The following ZFHX3 variants were observed in gnomAD, a reference collection of about 807,000 sequenced individuals.
ZFHX3 encodes zinc finger homeobox protein 3.
A neutral mutation model predicts 279.1 loss-of-function variants in ZFHX3; 42 were observed. The ratio of observed to expected loss-of-function variants is 0.15; its 90% CI spans 0.12 to 0.19. The LOEUF is 0.19. Ranked by LOEUF, ZFHX3 falls within the 10% of genes least tolerant of loss-of-function variation. ZFHX3 has a pLI of 1.00. For synonymous variants in ZFHX3, 2,293 were observed against 1,957.8 expected (o/e 1.17, Z -4.52); for missense variants, 4,981 against 4,754.0 (o/e 1.05, Z -1.40).
At chr16:73,376,355 T>C (rs7186409) in intron 3 of ZFHX3, among the ~76,000 whole-genome samples, 40,965 of 152,160 alleles carry the variant, frequency 0.27, 5,747 homozygotes, top group Middle Eastern at 0.35. Flanking sequence ...TAGAAAATGC[T>C]TGCAAAATTC....
rs1215790905 is a variant in ZFHX3 at position 73,637,230 on chromosome 16, CT to C, written c.-1547+42949del. On this transcript the variant is annotated intron_variant, in intron 2 of 17. Transcript: ENST00000641206. ...GTTAAAACCATATTTTTTTTTTGTT[CT>C]TTTTTTTTTTTTTTTTTTGAGACAG... Among the ~76,000 whole-genome samples the C allele has an allele frequency of 5.1e-3, 616 of 121,666 alleles. 1 individual carries two copies. Among genetic ancestry groups the C allele is most frequent in the East Asian group, 0.013 (54 of 4,250 alleles). 79.8% of individuals were successfully genotyped at this position (121,666 alleles called of 152,430 possible).
intron 3 of ZFHX3, among the ~76,000 whole-genome samples, chr16:72,933,823 T>TTC (rs200057576): frequency 0.039 from 5,509 of 141,956 alleles, 282 homozygotes; most frequent in African/African-American, 0.1. Flanking sequence ...CTTTTTTTTT[T>TTC]TTTTTTTTTT....
chr16:73,749,755 A>G (rs1274359697), intron 1 of ZFHX3, among the ~76,000 whole-genome samples: 2 of 152,186 alleles, frequency 1.3e-5, no homozygotes, highest in Non-Finnish European at 2.9e-5. Flanking sequence ...GCAGTGGATA[A>G]ATGCAAAATG....
At chr16:73,885,797 T>A (rs1188785434) in intron 1 of ZFHX3, among the ~76,000 whole-genome samples, 2 of 152,206 alleles carry the variant, frequency 1.3e-5, no homozygotes, top group Non-Finnish European at 2.9e-5. Context: ...ATGAGCCATC[T>A]GTAATTTCCC....
intron 1 of ZFHX3, among the ~76,000 whole-genome samples, chr16:73,712,899 C>T (rs543735572): frequency 2.0e-5 from 3 of 152,330 alleles, no homozygotes; most frequent in East Asian, 1.9e-4. Context: ...AGGCCATTTG[C>T]GCTAGCTTGA....
intron 7 of ZFHX3, among the ~76,000 whole-genome samples, chr16:73,118,837 G>A (rs1966462493): frequency 6.6e-6 from 1 of 152,016 alleles, no homozygotes; most frequent in African/African-American, 2.4e-5. Context: ...ACATTTTTTG[G>A]TTGCTACCCA....
chr16:73,209,753 C>T (rs1194687680), intron 5 of ZFHX3, among the ~76,000 whole-genome samples: 11 of 152,162 alleles, frequency 7.2e-5, no homozygotes, highest in Non-Finnish European at 4.4e-5. Flanking sequence ...CAATATTATA[C>T]ATCATGTAGC....
chr16:73,226,706 A>G (rs1192124545), intron 5 of ZFHX3, among the ~76,000 whole-genome samples: 3 of 152,250 alleles, frequency 2.0e-5, no homozygotes, highest in Non-Finnish European at 2.9e-5. Context: ...ATTCTTCCAA[A>G]TTGATGGTAC....
chr16:73,698,875 T>C (rs920333255), intron 1 of ZFHX3, among the ~76,000 whole-genome samples: 3 of 149,588 alleles, frequency 2.0e-5, no homozygotes, highest in Non-Finnish European at 3.0e-5. Flanking sequence ...TTTGTTTGTT[T>C]GTTTGTTTGT....
intron 3 of ZFHX3, among the ~76,000 whole-genome samples, chr16:73,452,404 T>A (rs897838960): frequency 4.1e-4 from 62 of 152,316 alleles, no homozygotes; most frequent in African/African-American, 1.3e-3. Context: ...TTTAATTTTT[T>A]AATCACATTA....
chr16:73,191,434 T>C (rs1410133771), intron 5 of ZFHX3, among the ~76,000 whole-genome samples: 1 of 152,164 alleles, frequency 6.6e-6, no homozygotes, highest in East Asian at 1.9e-4. Context: ...TTAATTTTTA[T>C]CCTGCCATCC....
At chr16:73,188,063 C>A (rs1186800656) in intron 5 of ZFHX3, among the ~76,000 whole-genome samples, 6 of 152,120 alleles carry the variant, frequency 3.9e-5, no homozygotes, top group Non-Finnish European at 8.8e-5. Flanking sequence ...GGGTTTCACT[C>A]TGTTAGCCAG....
At chr16:73,007,034 T>C (rs1363003262) in intron 1 of ZFHX3, among the ~76,000 whole-genome samples, 1 of 152,234 alleles carries the variant, frequency 6.6e-6, no homozygotes, top group Non-Finnish European at 1.5e-5. Flanking sequence ...AATCTACAAA[T>C]GCAGAACGGG....
At chr16:73,350,180 C>T (rs1186261071) in intron 3 of ZFHX3, among the ~76,000 whole-genome samples, 4 of 152,100 alleles carry the variant, frequency 2.6e-5, no homozygotes, top group African/African-American at 9.7e-5. Context: ...GCACTGAAAT[C>T]ACATCTGATT....
intron 1 of ZFHX3, among the ~76,000 whole-genome samples, chr16:73,776,878 C>T (rs1025560169): frequency 3.9e-5 from 6 of 152,214 alleles, no homozygotes; most frequent in East Asian, 1.9e-4. Flanking sequence ...GCAATCAGTA[C>T]GGCCTGCTTG....
intron 5 of ZFHX3, among the ~76,000 whole-genome samples, chr16:73,251,336 G>A (rs2013480670): frequency 1.3e-5 from 2 of 152,160 alleles, no homozygotes; most frequent in South Asian, 4.1e-4. Context: ...CCACAAGTGT[G>A]ATAAAACGAT....
chr16:73,593,058 A>C (rs1022657007), intron 2 of ZFHX3, among the ~76,000 whole-genome samples: 3 of 152,134 alleles, frequency 2.0e-5, no homozygotes, highest in African/African-American at 7.2e-5. Flanking sequence ...AACTTACCAA[A>C]AATGGTCCAA....
Position 73,712,792 on chromosome 16 carries a change from T to C in ZFHX3, c.-1607-32552A>G, listed in dbSNP as rs200459363. Among the ~76,000 whole-genome samples the C allele has an allele frequency of 2.6e-4, 39 of 152,308 alleles. 2 individuals are homozygous for C. In the East Asian group the frequency reaches 3.5e-3, roughly 14 times the overall value. ...TTTGTTTTCACCGTAAGAGGGGGGA[T>C]ATATAATCTTGGCTGCCCAGAAAAC... On this transcript the variant is annotated intron_variant, in intron 1 of 17. Coordinates refer to the ZFHX3 transcript ENST00000641206.
chr16:73,819,198 T>C (rs1395609015), intron 1 of ZFHX3, among the ~76,000 whole-genome samples: 2 of 151,906 alleles, frequency 1.3e-5, no homozygotes, highest in African/African-American at 4.8e-5. Context: ...ATGGCAACGA[T>C]AGCTGAGGCC....
Sources: gnomAD v4.1 joint callset for allele counts (sites outside exome capture counted in the v4.1 genomes callset) on GRCh38, gnomAD v4.1.1 for gene constraint, MANE v1.5 for transcripts, NCBI Gene and HGNC (gene_info 2026-07-23, HGNC 2026-07-21) for gene names.